Variants in C17orf50 observed in about 807,000 individuals in gnomAD.
C17orf50 encodes uncharacterized protein C17orf50.
In C17orf50, 16 loss-of-function variants were observed where a neutral mutation model predicts 17.7. That is an observed-to-expected ratio of 0.90 (90% CI 0.61 to 1.37). C17orf50 has a LOEUF of 1.37. Ranked by LOEUF, C17orf50 falls within the 40% of genes most tolerant of loss-of-function variation. C17orf50 has a pLI of 0.00. For missense variants in C17orf50, 271 were observed against 240.7 expected (o/e 1.13, Z -0.83); for synonymous variants, 125 against 111.0 (o/e 1.13, Z -0.80).
chr17:35,763,653 T>G (rs1449092846), intron 1 of C17orf50, among the ~76,000 whole-genome samples: 2 of 151,658 alleles, frequency 1.3e-5, no homozygotes, highest in Non-Finnish European at 2.9e-5. Flanking sequence ...TCTCAGCACT[T>G]TGGGAGGCCG....
chr17:35,762,750 G>A (rs1184908445), intron 1 of C17orf50, among the ~76,000 whole-genome samples: 1 of 152,092 alleles, frequency 6.6e-6, no homozygotes, highest in African/African-American at 2.4e-5. Context: ...CGGAGATGCT[G>A]GGCTTCCTTA....
rs782094631 is a variant in C17orf50 at position 35,764,112 on chromosome 17, A to T, written c.119A>T (p.Gln40Leu). 1.2e-4 allele frequency: 187 copies of T among 1,550,130 alleles called. No individual in the cohort carries two copies. The highest frequency in any genetic ancestry group is 1.6e-4 in the Non-Finnish European group (184 of 1,146,888). Residue 40 changes from glutamine to leucine, a missense_variant, in exon 2 of 3, where the codon CAG (glutamine) becomes CTG (leucine). Physicochemically the swap from Gln to Leu is moderately radical, Grantham distance 113. Coordinates refer to ENST00000605587, the MANE Select transcript of C17orf50 (RefSeq NM_145272.4). ...EGSEDEDEDNQRPLEDSATEG... is the reference protein window; with the variant it reads ...EGSEDEDEDNLRPLEDSATEG... Reference sequence around the variant, plus strand: ...TCGGAGGACGAGGACGAGGACAACCAGAGGCCGCTGGAGGACAGCGCGACG... The same window carrying T: ...TCGGAGGACGAGGACGAGGACAACCTGAGGCCGCTGGAGGACAGCGCGACG...
At chr17:35,762,507 G>C (rs587613696) in intron 1 of C17orf50, among the ~76,000 whole-genome samples, 2 of 152,256 alleles carry the variant, frequency 1.3e-5, no homozygotes, top group African/African-American at 4.8e-5. Context: ...GCTACTGCTT[G>C]TAGTTGTAGT....
In C17orf50 at chr17:35,764,739, C is replaced by A; in HGVS notation, c.*121C>A. ...ATTCCGCAGGACCGCCCCTTCTCAG[C>A]TGCTGCCCAGAGCGCCCCCATCCGT... is the stretch of plus-strand genomic sequence containing the variant. On this transcript the variant is annotated 3_prime_UTR_variant, in exon 3 of 3. Transcript: ENST00000605587. 1.7e-6 allele frequency: 2 copies of A among 1,164,978 alleles called. No homozygotes were observed. Among genetic ancestry groups the A allele is most frequent in the Non-Finnish European group, 2.3e-6 (2 of 863,156 alleles). The allele number at this position is 1,164,978 out of a possible 1,614,324, so 72.2% of individuals were successfully genotyped here.
At chr17:35,764,348 G>T (rs782097431) in intron 2 of C17orf50, 23 bp downstream of exon 2, 201 of 1,457,350 alleles carry the variant, frequency 1.4e-4, no homozygotes, top group Non-Finnish European at 4.8e-5. Flanking sequence ...TCCTCGACCG[G>T]GGCACGAGGG....
At chr17:35,763,071 G>A (rs151180262) in intron 1 of C17orf50, among the ~76,000 whole-genome samples, 1 of 150,308 alleles carries the variant, frequency 6.7e-6, no homozygotes, top group South Asian at 2.1e-4. Context: ...GCAGTGAGCC[G>A]AGATGGCACC....
chr17:35,764,298 T>A lies in C17orf50; in HGVS notation c.305T>A (p.Leu102Gln). The A allele has an allele frequency of 6.6e-7, 1 of 1,511,410 alleles. No homozygotes were observed. Among genetic ancestry groups the A allele is most frequent in the Non-Finnish European group, 8.8e-7 (1 of 1,132,994 alleles). The allele number at this position is 1,511,410 out of a possible 1,614,324, so 93.6% of individuals were successfully genotyped here. ...FWGWLGPLAL[L>Q]GGLTAPTDRK... ...GGCTGGCTCGGCCCCTTAGCGCTGC[T>A]GGGCGGCCTAACAGCTCCCACCGAC... Residue 102 changes from leucine (L) to glutamine (Q), a missense_variant, in exon 2 of 3, where the codon CTG becomes CAG. By Grantham distance (113) the Leu-to-Gln change is moderately radical. Transcript: ENST00000605587.
At chr17:35,761,883 A>T (rs1481150820) in intron 1 of C17orf50, among the ~76,000 whole-genome samples, 2 of 152,200 alleles carry the variant, frequency 1.3e-5, no homozygotes, top group Admixed American at 1.3e-4. Context: ...GCTGTGAACT[A>T]GGCCTGGCCT....
chr17:35,763,717 T>C (rs2085871127), intron 1 of C17orf50, among the ~76,000 whole-genome samples: 1 of 151,726 alleles, frequency 6.6e-6, no homozygotes, highest in South Asian at 2.1e-4. Flanking sequence ...GCCAACATGG[T>C]GAAACCCCGT....
chr17:35,760,898 T>A lies in C17orf50; in HGVS notation c.-44T>A, dbSNP rs782617811. 8.1e-6 allele frequency: 13 copies of A among 1,612,710 alleles called. No homozygotes were observed. In the South Asian group the frequency reaches 1.1e-4, roughly 14 times the overall value. ...TATGGGTTCTGGGCACCCTCTCACA[T>A]CCCAGTCTCTGATCAGGGAAAGCAG... On this transcript the variant is annotated 5_prime_UTR_variant, in exon 1 of 3. Transcript: ENST00000605587.
At position 35,764,714 on chromosome 17, in the gene C17orf50, A is replaced by T; in HGVS notation, c.*96A>T. The T allele has an allele frequency of 7.4e-7, 1 of 1,342,788 alleles. No homozygotes were observed. The highest frequency in any genetic ancestry group is 9.9e-7 in the Non-Finnish European group (1 of 1,008,858). 83.2% of individuals were successfully genotyped at this position (1,342,788 alleles called of 1,614,324 possible). On this transcript the variant is annotated 3_prime_UTR_variant, in exon 3 of 3. Coordinates refer to ENST00000605587, the MANE Select transcript of C17orf50 (RefSeq NM_145272.4). Reference sequence around the variant, plus strand: ...TGGAGCGCGGAGCCCTCTTCGACGCATTCCGCAGGACCGCCCCTTCTCAGC... The same window carrying T: ...TGGAGCGCGGAGCCCTCTTCGACGCTTTCCGCAGGACCGCCCCTTCTCAGC...
chr17:35,762,286 C>T (rs764637147), intron 1 of C17orf50, among the ~76,000 whole-genome samples: 19 of 152,068 alleles, frequency 1.2e-4, no homozygotes, highest in Non-Finnish European at 2.6e-4. Flanking sequence ...CACCGTGCCC[C>T]GCCTAGAAAT....
intron 1 of C17orf50, among the ~76,000 whole-genome samples, chr17:35,762,042 A>C (rs1319782152): frequency 6.6e-6 from 1 of 151,970 alleles, no homozygotes; most frequent in Non-Finnish European, 1.5e-5. Context: ...TCAGGCTGGA[A>C]TGCAGTGGCG....
chr17:35,761,399 C>T (rs1375882930), intron 1 of C17orf50, among the ~76,000 whole-genome samples: 2 of 151,216 alleles, frequency 1.3e-5, no homozygotes, highest in Non-Finnish European at 2.9e-5. Flanking sequence ...GCATGAGCCA[C>T]TGTGCCTGGC....
intron 1 of C17orf50, among the ~76,000 whole-genome samples, chr17:35,763,616 G>A (rs1218851352): frequency 1.3e-4 from 19 of 151,794 alleles, no homozygotes. Context: ...AGTATCCAGG[G>A]CCGGGTGCAG....
In C17orf50 at chr17:35,764,657, C is replaced by T; in HGVS notation, c.*39C>T. 2.6e-6 allele frequency: 4 copies of T among 1,531,574 alleles called. No individual in the cohort carries two copies. The highest frequency in any genetic ancestry group is 3.5e-6 in the Non-Finnish European group (4 of 1,147,998). 94.9% of individuals were successfully genotyped at this position (1,531,574 alleles called of 1,614,324 possible). Reference sequence around the variant, plus strand: ...CAGCCTTTGTGCCCTCCATCATTTCCTGGCCCCAGACCCCCTACCGACCTT... The same window carrying T: ...CAGCCTTTGTGCCCTCCATCATTTCTTGGCCCCAGACCCCCTACCGACCTT... On this transcript the variant is annotated 3_prime_UTR_variant, in exon 3 of 3. Transcript: ENST00000605587.
rs1365770702 is a variant in C17orf50 at position 35,764,818 on chromosome 17, T to C, written c.*200T>C. 3 of 558,980 alleles carry C rather than the reference T, an allele frequency of 5.4e-6. No homozygotes were observed. The highest frequency in any genetic ancestry group is 8.9e-6 in the Non-Finnish European group (3 of 336,786). The allele number at this position is 558,980 out of a possible 1,614,324, so 34.6% of individuals were successfully genotyped here. The stretch of plus-strand genomic sequence containing the variant: ...CCCATCTGTCACCTAGCGCCCCCAG[T>C]GCAGAGCCCAGCATAACCTAGAGCC... On this transcript the variant is annotated 3_prime_UTR_variant, in exon 3 of 3. Transcript: ENST00000605587.
intron 1 of C17orf50, among the ~76,000 whole-genome samples, chr17:35,761,774 G>T (rs188788000): frequency 6.6e-6 from 1 of 152,128 alleles, no homozygotes; most frequent in African/African-American, 2.4e-5. Flanking sequence ...GAGAGGCAAA[G>T]TCCAGATTCC....
Position 35,762,012 on chromosome 17 carries a change from C to T in C17orf50, c.13+1058C>T, listed in dbSNP as rs976921109. 7.2e-5 allele frequency among the ~76,000 whole-genome samples: 11 copies of T among 151,928 alleles called. No individual in the cohort carries two copies. In the East Asian group the frequency reaches 1.5e-3, roughly 21 times the overall value. On this transcript the variant is annotated intron_variant, in intron 1 of 2. Transcript: ENST00000605587. ...TCTTTCTTTTTTTCTTTTTTTGAGA[C>T]GGAGTTTTGCTCTTGTTGCTCAGGC...
Sources: allele counts gnomAD v4.1 joint callset (sites outside exome capture counted in the v4.1 genomes callset), GRCh38; gene constraint gnomAD v4.1.1; transcripts MANE v1.5; gene names NCBI Gene and HGNC (gene_info 2026-07-23, HGNC 2026-07-21).